The following PRKG2 variants were observed in gnomAD, a reference collection of about 807,000 sequenced individuals.
PRKG2 encodes the protein cGMP-dependent protein kinase 2.
PRKG2 carries 33 observed loss-of-function variants against 97.2 expected under a neutral mutation model. That is an observed-to-expected ratio of 0.34 (90% CI 0.26 to 0.45). The LOEUF (loss-of-function observed/expected upper bound fraction) is 0.45. Ranked by LOEUF, PRKG2 falls within the 20% of genes least tolerant of loss-of-function variation. The pLI, the probability that PRKG2 is intolerant of heterozygous loss-of-function variation, is 1.00. For synonymous variants in PRKG2, 330 were observed against 321.8 expected (o/e 1.03, Z -0.27); for missense variants, 638 against 900.0 (o/e 0.71, Z 3.73).
At chr4:81,092,092 A>G (rs1210454545) in intron 18 of PRKG2, among the ~76,000 whole-genome samples, 2 of 152,148 alleles carry the variant, frequency 1.3e-5, no homozygotes, top group East Asian at 1.9e-4. Flanking sequence ...CATTGTTCAC[A>G]TCAAATTTAT....
chr4:81,148,952 A>G lies in PRKG2; in HGVS notation c.1086T>C (p.Ser362=), dbSNP rs1748117655. 1.9e-6 allele frequency: 3 copies of G among 1,613,352 alleles called. No individual in the cohort carries two copies. The highest frequency in any genetic ancestry group is 1.3e-5 in the African/African-American group (1 of 74,892). ...GEYFGEKALI[S]DDVRSANIIA... ...TAATGTTAGCTGACCTGACATCATCACTGCAAACAAAAATAGGAAAGTCAA... is the reference window on the plus strand; with the variant it reads ...TAATGTTAGCTGACCTGACATCATCGCTGCAAACAAAAATAGGAAAGTCAA... The change falls in exon 9 of 19, where the codon AGT becomes AGC. Residue 362 remains serine (S), a splice_region_variant and synonymous_variant. Coordinates refer to ENST00000264399, the MANE Select transcript of PRKG2 (RefSeq NM_006259.3).
At chr4:81,120,263 C>T (rs943370464) in intron 14 of PRKG2, among the ~76,000 whole-genome samples, 1 of 152,136 alleles carries the variant, frequency 6.6e-6, no homozygotes, top group Non-Finnish European at 1.5e-5. Flanking sequence ...CGTCACTTCC[C>T]TTTTTTTGTC....
intron 14 of PRKG2, among the ~76,000 whole-genome samples, chr4:81,131,313 A>C (rs955363264): frequency 6.7e-6 from 1 of 149,314 alleles, no homozygotes; most frequent in African/African-American, 2.6e-5. Flanking sequence ...CTGTCTAACC[A>C]GTCCTAATGA....
chr4:81,097,076 CA>C (rs1418620537), intron 17 of PRKG2, among the ~76,000 whole-genome samples: 5 of 152,012 alleles, frequency 3.3e-5, no homozygotes, highest in Non-Finnish European at 7.4e-5. Context: ...TTAAATTCAT[CA>C]AAATTATTCC....
chr4:81,118,537 C>T (rs1037161470), intron 14 of PRKG2, among the ~76,000 whole-genome samples: 5 of 152,118 alleles, frequency 3.3e-5, no homozygotes, highest in South Asian at 4.1e-4. Flanking sequence ...TTGCAATTCC[C>T]GAAAGACTCA....
chr4:81,098,132 C>T (rs188915060), intron 17 of PRKG2, among the ~76,000 whole-genome samples: 54 of 152,170 alleles, frequency 3.5e-4, no homozygotes, highest in Admixed American at 1.4e-3. Flanking sequence ...GCTGCCAGTG[C>T]GGCTAGAATA....
intron 16 of PRKG2, among the ~76,000 whole-genome samples, chr4:81,105,044 C>T (rs999305515): frequency 6.6e-6 from 1 of 152,060 alleles, no homozygotes; most frequent in Admixed American, 6.6e-5. Flanking sequence ...ATTATCACGA[C>T]TAATTTTCTT....
In PRKG2 at chr4:81,184,992, TTAC is replaced by T. The variant is rs1751742655; in HGVS notation, c.462-10036_462-10034del. On this transcript the variant is annotated intron_variant, in intron 2 of 18. Coordinates refer to ENST00000264399, the MANE Select transcript of PRKG2 (RefSeq NM_006259.3). ...AGCCTAATATGTGAAAAGACCAAAC[TTAC>T]ATTTGAGTGGTATACCTGAAAGTGA... Among the ~76,000 whole-genome samples, 3 of 135,332 alleles carry T rather than the reference TTAC, an allele frequency of 2.2e-5. No individual in the cohort carries two copies. The South Asian group carries it at 6.7e-4, about 30-fold the overall frequency. The allele number at this position is 135,332 out of a possible 152,430, so 88.8% of individuals were successfully genotyped here. A position where few individuals can be genotyped will look rare whatever the true frequency, so the allele number is the denominator to read the frequency against.
At chr4:81,158,251 T>G (rs1421789455) in intron 6 of PRKG2, among the ~76,000 whole-genome samples, 1 of 150,386 alleles carries the variant, frequency 6.6e-6, no homozygotes, top group Non-Finnish European at 1.5e-5. Flanking sequence ...ACAAAATCAA[T>G]GTACAAAAAT....
chr4:81,210,054 G>C (rs1055069338), intron 1 of PRKG2, among the ~76,000 whole-genome samples: 2 of 151,948 alleles, frequency 1.3e-5, no homozygotes, highest in Non-Finnish European at 2.9e-5. Context: ...TCTAGATACC[G>C]ATCTTATAAC....
At chr4:81,100,151 T>C (rs1429915764) in intron 17 of PRKG2, among the ~76,000 whole-genome samples, 1 of 151,584 alleles carries the variant, frequency 6.6e-6, no homozygotes, top group Non-Finnish European at 1.5e-5. Context: ...AGGTAATTTA[T>C]AGATTCAATG....
rs898892937 is a variant in PRKG2, at chr4:81,171,930, A to G, written c.629-126T>C. 1.0e-5 allele frequency: 6 copies of G among 594,192 alleles called. No homozygotes were observed. In the Admixed American group the frequency reaches 1.5e-4, roughly 14 times the overall value. The allele number at this position is 594,192 out of a possible 1,614,324, so 36.8% of individuals were successfully genotyped here. ...ACAGGTAAGATATTTTATGATTCTC[A>G]TTATAATACACCAGTTAAAAGTGTA... On this transcript the variant is annotated intron_variant, in intron 3 of 18. Coordinates refer to ENST00000264399, the MANE Select transcript of PRKG2 (RefSeq NM_006259.3).
chr4:81,210,054 G>A (rs1055069338), intron 1 of PRKG2, among the ~76,000 whole-genome samples: 4 of 151,948 alleles, frequency 2.6e-5, no homozygotes, highest in African/African-American at 9.7e-5. Flanking sequence ...TCTAGATACC[G>A]ATCTTATAAC....
intron 1 of PRKG2, among the ~76,000 whole-genome samples, chr4:81,212,956 G>T (rs1578535338): frequency 1.3e-5 from 2 of 152,286 alleles, no homozygotes; most frequent in Non-Finnish European, 2.9e-5. Context: ...CAATCAAAAT[G>T]ATTTCAATGT....
intron 11 of PRKG2, among the ~76,000 whole-genome samples, chr4:81,141,918 C>T (rs115945989): frequency 5.9e-4 from 90 of 152,276 alleles, no homozygotes; most frequent in African/African-American, 2.1e-3. Context: ...GTGTACTGTC[C>T]AGACTCCCCT....
At chr4:81,124,470 G>A (rs1359812130) in intron 14 of PRKG2, among the ~76,000 whole-genome samples, 4 of 152,206 alleles carry the variant, frequency 2.6e-5, no homozygotes, top group Non-Finnish European at 5.9e-5. Flanking sequence ...TACACTGCAA[G>A]TGCTAGTGTG....
At position 81,089,536 on chromosome 4, in the gene PRKG2, A is replaced by G. The variant is rs554679987; in HGVS notation, c.*172T>C. On this transcript the variant is annotated 3_prime_UTR_variant, in exon 19 of 19. Coordinates refer to ENST00000264399, the MANE Select transcript of PRKG2 (RefSeq NM_006259.3). ...ATTCACAGCATCTAAATAAGACACTATAACTCAGAACCATATCCACACCAT... is the reference window on the plus strand; with the variant it reads ...ATTCACAGCATCTAAATAAGACACTGTAACTCAGAACCATATCCACACCAT... The G allele has an allele frequency of 3.5e-4, 182 of 517,498 alleles. No individual in the cohort carries two copies. Among genetic ancestry groups the G allele is most frequent in the Admixed American group, 1.4e-3 (40 of 28,004 alleles). The allele number at this position is 517,498 out of a possible 1,614,324, so 32.1% of individuals were successfully genotyped here.
chr4:81,205,197 A>C, intron 1 of PRKG2, 137 bp from the exon 2 acceptor site: 3 of 571,038 alleles, frequency 5.3e-6, no homozygotes, highest in Admixed American at 3.7e-5. Flanking sequence ...AAACTTCCCG[A>C]AGTTTCCAGA....
rs913249360 is a variant in PRKG2, at chr4:81,118,502, T to C, written c.1777-7891A>G. 1.1e-4 allele frequency among the ~76,000 whole-genome samples: 17 copies of C among 152,264 alleles called. No individual in the cohort carries two copies. In the South Asian group the frequency reaches 3.1e-3, roughly 28 times the overall value. ...TAGAATTTAGCCACTCTAATAGGTG[T>C]GTAGTGGTATCTCATTGCTTTGATT... is the stretch of plus-strand genomic sequence containing the variant. On this transcript the variant is annotated intron_variant, in intron 14 of 18. Transcript: ENST00000264399.
Sources: allele counts gnomAD v4.1 joint callset (sites outside exome capture counted in the v4.1 genomes callset), GRCh38; gene constraint gnomAD v4.1.1; transcripts MANE v1.5; gene names NCBI Gene and HGNC (gene_info 2026-07-23, HGNC 2026-07-21).